FANCM: variants seen among roughly 807,000 people sequenced by gnomAD.
The protein encoded by FANCM is Fanconi anemia group M protein.
A neutral mutation model predicts 199.5 loss-of-function variants in FANCM; 140 were observed. The ratio of observed to expected loss-of-function variants is 0.70; its 90% CI spans 0.61 to 0.81. The LOEUF (loss-of-function observed/expected upper bound fraction) is 0.81. Ranked by LOEUF, FANCM falls within the 30% of genes least tolerant of loss-of-function variation. FANCM has a pLI of 0.00. For synonymous variants in FANCM, 840 were observed against 836.8 expected, an observed-to-expected ratio of 1.00 and a Z score of -0.07; for missense variants, 2,410 against 2,421.4, an observed-to-expected ratio of 1.00 and a Z score of 0.10.
chr14:45,154,832 T>G lies in FANCM; in HGVS notation c.1309+10T>G, dbSNP rs374945162. Reference sequence around the variant, plus strand: ...TCTGCTATCCAACAAGGTCTGGTTTTTCTTTTAAAATTATGTATTGTGTTG... The same window carrying G: ...TCTGCTATCCAACAAGGTCTGGTTTGTCTTTTAAAATTATGTATTGTGTTG... On this transcript the variant is annotated intron_variant, in intron 7 of 22. Transcript: ENST00000267430. The G allele has an allele frequency of 6.2e-7, 1 of 1,607,066 alleles. No homozygotes were observed. Among genetic ancestry groups the G allele is most frequent in the Non-Finnish European group, 8.5e-7 (1 of 1,175,822 alleles).
At chr14:45,174,547 A>T (rs1888541069) in intron 13 of FANCM, among the ~76,000 whole-genome samples, 1 of 152,162 alleles carries the variant, frequency 6.6e-6, no homozygotes, top group Non-Finnish European at 1.5e-5. Flanking sequence ...AATTCACTAT[A>T]CGAATCCTTG....
intron 14 of FANCM, among the ~76,000 whole-genome samples, chr14:45,180,153 C>G (rs1183998138): frequency 6.6e-6 from 1 of 152,180 alleles, no homozygotes; most frequent in Non-Finnish European, 1.5e-5. Flanking sequence ...TGCTGCATAG[C>G]AAACTACCTG....
intron 3 of FANCM, among the ~76,000 whole-genome samples, chr14:45,141,313 GCAA>G (rs1885922418): frequency 2.1e-5 from 3 of 142,886 alleles, no homozygotes; most frequent in South Asian, 2.3e-4. Context: ...AAAAAAGAAA[GCAA>G]AAAACAAAAA....
chr14:45,151,476 A>G lies in FANCM; in HGVS notation c.998A>G (p.Gln333Arg), dbSNP rs922819033. The change falls in exon 5 of 23, where the codon CAG (glutamine) becomes CGG (arginine). Residue 333 changes from glutamine to arginine, a missense_variant. Transcript: ENST00000267430. ...RRDIPNLTKY[Q>R]IILARDQFRK... is the part of the protein sequence containing the mutation. The stretch of plus-strand genomic sequence containing the variant: ...GATATCCCAAATCTAACAAAATATC[A>G]GATAATTCTGGCAAGAGATCAGTTT... 3.1e-6 allele frequency: 5 copies of G among 1,612,196 alleles called. No individual in the cohort carries two copies. Among genetic ancestry groups the G allele is most frequent in the Non-Finnish European group, 3.4e-6 (4 of 1,178,288 alleles).
intron 7 of FANCM, 76 bp downstream of exon 7, chr14:45,154,898 G>A: frequency 9.2e-7 from 1 of 1,091,074 alleles, no homozygotes; most frequent in Admixed American, 1.8e-5. Flanking sequence ...TTGCTCCTTT[G>A]ATGCAAATGT....
Position 45,189,351 on chromosome 14 carries a change from G to A in FANCM, c.5329G>A (p.Val1777Ile), listed in dbSNP as rs762904594. ...DSQKDCRKFP[V>I]PQKDGSALED... ...ACAGAAAGACTGTAGAAAATTTCCA[G>A]TTCCACAGAAGGTATGGATCAAAGA... The change falls in exon 20 of 23, where the codon GTT (valine) becomes ATT (isoleucine). Residue 1777 changes from valine to isoleucine, a missense_variant. Physicochemically the swap from Val to Ile is conservative, Grantham distance 29. Transcript: ENST00000267430. 2 of 1,610,394 alleles carry A rather than the reference G, an allele frequency of 1.2e-6. No homozygotes were observed. Among genetic ancestry groups the A allele is most frequent in the Admixed American group, 1.7e-5 (1 of 60,000 alleles).
intron 3 of FANCM, among the ~76,000 whole-genome samples, chr14:45,146,578 C>T (rs1200637707): frequency 2.0e-5 from 3 of 152,086 alleles, no homozygotes; most frequent in Non-Finnish European, 4.4e-5. Context: ...TTAAAAATGT[C>T]ATCCCCCTTT....
At position 45,192,229 on chromosome 14, in the gene FANCM, A is replaced by C. The variant is rs111729925; in HGVS notation, c.5340+2867A>C. On this transcript the variant is annotated intron_variant, in intron 20 of 22. Transcript: ENST00000267430. ...CTGCAAAATCATGTTTTCTTGAAAC[A>C]ATTACAGAGCTAAGGTTGTAGGGCA... 7.3e-3 allele frequency among the ~76,000 whole-genome samples: 1,118 copies of C among 152,324 alleles called. 24 individuals are homozygous for C. Among genetic ancestry groups the C allele is most frequent in the African/African-American group, 0.026 (1,061 of 41,562 alleles).
chr14:45,148,962 A>C lies in FANCM; in HGVS notation c.885A>C (p.Glu295Asp). 1 of 1,613,958 alleles carries C rather than the reference A, an allele frequency of 6.2e-7. No individual in the cohort carries two copies. The highest frequency in any genetic ancestry group is 8.5e-7 in the Non-Finnish European group (1 of 1,179,886). Residue 295 changes from glutamate to aspartate, a missense_variant, in exon 4 of 23, where the codon GAA becomes GAC. Coordinates refer to ENST00000267430, the MANE Select transcript of FANCM (RefSeq NM_020937.4). Reference protein sequence around the residue: ...KVEKLIVPLGEELAAIQKTYI... With the variant: ...KVEKLIVPLGDELAAIQKTYI... ...AAAAGCTTATTGTTCCGCTTGGTGA[A>C]GAACTTGCAGCCATCCAAAAGACCT... is the stretch of plus-strand genomic sequence containing the variant.
In FANCM at chr14:45,181,642, G is replaced by GA; in HGVS notation, c.4328dup (p.Asn1443LysfsTer2). On this transcript the variant is annotated frameshift_variant, in exon 16 of 23. Transcript: ENST00000267430. LOFTEE classifies it high-confidence loss of function. ...ACTTTATTTACTTACTTTAGGATCAGAAAAATAGTGAAGTTGATTCTCCAC... is the reference window on the plus strand; with the variant it reads ...ACTTTATTTACTTACTTTAGGATCAGAAAAAATAGTGAAGTTGATTCTCCAC... 1 of 1,611,018 alleles carries GA rather than the reference G, an allele frequency of 6.2e-7. No individual in the cohort carries two copies. Among genetic ancestry groups the GA allele is most frequent in the Non-Finnish European group, 8.5e-7 (1 of 1,177,696 alleles).
At chr14:45,142,553 GC>G (rs765403959) in intron 3 of FANCM, among the ~76,000 whole-genome samples, 5 of 151,816 alleles carry the variant, frequency 3.3e-5, no homozygotes, top group Non-Finnish European at 7.4e-5. Context: ...TGATCCACCC[GC>G]CCCGGCCTCC....
chr14:45,140,844 C>A (rs2139118978), intron 3 of FANCM, 135 bp downstream of exon 3: 1 of 693,624 alleles, frequency 1.4e-6, no homozygotes. Context: ...AATTCCAGAC[C>A]AGCCTGGGCA....
At chr14:45,148,120 C>T (rs1207652757) in intron 3 of FANCM, among the ~76,000 whole-genome samples, 1 of 151,880 alleles carries the variant, frequency 6.6e-6, no homozygotes, top group Non-Finnish European at 1.5e-5. Flanking sequence ...TCGTTTGAAC[C>T]TGGGAGGCGG....
Position 45,183,807 on chromosome 14 carries a change from T to G in FANCM, c.4420T>G (p.Phe1474Val). The G allele has an allele frequency of 6.2e-7, 1 of 1,609,922 alleles. No homozygotes were observed. The highest frequency in any genetic ancestry group is 8.5e-7 in the Non-Finnish European group (1 of 1,176,526). The change falls in exon 17 of 23, where the codon TTT (phenylalanine) becomes GTT (valine). Residue 1474 changes from phenylalanine to valine, a missense_variant. Coordinates refer to ENST00000267430, the MANE Select transcript of FANCM (RefSeq NM_020937.4). ...ELSSSDESEN[F>V]PKPCSQLEDF... Reference sequence around the variant, plus strand: ...ATCATCTAGTGATGAGAGTGAGAATTTTCCCAAACCATGTTCACAATTAGA... The same window carrying G: ...ATCATCTAGTGATGAGAGTGAGAATGTTCCCAAACCATGTTCACAATTAGA...
chr14:45,166,869 C>A, intron 10 of FANCM, 81 bp from the exon 11 acceptor site: 2 of 832,678 alleles, frequency 2.4e-6, no homozygotes, highest in South Asian at 1.5e-5. Context: ...TACAATAAAT[C>A]CAAACTAATA....
chr14:45,172,642 T>C, intron 12 of FANCM, among the ~76,000 whole-genome samples: 1 of 152,214 alleles, frequency 6.6e-6, no homozygotes, highest in East Asian at 1.9e-4. Context: ...TATTTAAAAC[T>C]TTAAATTTGA....
intron 22 of FANCM, among the ~76,000 whole-genome samples, chr14:45,199,640 CAA>C (rs1032459735): frequency 6.6e-6 from 1 of 152,124 alleles, no homozygotes; most frequent in African/African-American, 2.4e-5. Context: ...TTGGGCAACA[CAA>C]AAACATTCAG....
intron 8 of FANCM, among the ~76,000 whole-genome samples, chr14:45,156,559 G>C (rs1452962681): frequency 1.3e-5 from 2 of 152,072 alleles, no homozygotes; most frequent in Non-Finnish European, 2.9e-5. Context: ...ATAGATTCTA[G>C]ATATATGTTC....
chr14:45,172,407 A>G (rs950430792), intron 12 of FANCM, among the ~76,000 whole-genome samples: 80 of 152,144 alleles, frequency 5.3e-4, no homozygotes, highest in African/African-American at 1.6e-3. Context: ...GCTTCGATCC[A>G]TCTTGAGTTG....
Sources: allele counts gnomAD v4.1 joint callset (sites outside exome capture counted in the v4.1 genomes callset), GRCh38; gene constraint gnomAD v4.1.1; transcripts MANE v1.5; gene names NCBI Gene and HGNC (gene_info 2026-07-23, HGNC 2026-07-21).